Variants in AGBL1 observed in about 807,000 individuals in gnomAD.
AGBL1 encodes the protein cytosolic carboxypeptidase 4.
In AGBL1, 130 loss-of-function variants were observed where a neutral mutation model predicts 118.9. The observed-to-expected ratio is 1.09, with a 90% CI of 0.95 to 1.26. The LOEUF is 1.26. Ranked by LOEUF, AGBL1 falls within the 50% of genes most tolerant of loss-of-function variation. AGBL1 has a pLI of 0.00. For missense variants in AGBL1, 1,584 were observed against 1,298.1 expected (o/e 1.22, Z -3.38); for synonymous variants, 555 against 478.9 (o/e 1.16, Z -2.08).
intron 5 of AGBL1, among the ~76,000 whole-genome samples, chr15:86,182,378 A>G (rs938526068): frequency 2.6e-5 from 4 of 151,696 alleles, no homozygotes; most frequent in African/African-American, 9.7e-5. Context: ...GAATAATTCA[A>G]TTTTCTGCTA....
At chr15:86,151,576 A>T (rs1264701715) in intron 3 of AGBL1, among the ~76,000 whole-genome samples, 1 of 152,218 alleles carries the variant, frequency 6.6e-6, no homozygotes, top group East Asian at 1.9e-4. Context: ...ATCATACTGA[A>T]TGGGAAAAAA....
chr15:86,609,780 T>A (rs961129515), intron 21 of AGBL1, among the ~76,000 whole-genome samples: 1 of 152,316 alleles, frequency 6.6e-6, no homozygotes, highest in Non-Finnish European at 1.5e-5. Flanking sequence ...GACATACTCT[T>A]GTAGGAAAAA....
intron 22 of AGBL1, among the ~76,000 whole-genome samples, chr15:86,809,922 A>G (rs567259160): frequency 3.3e-5 from 5 of 152,102 alleles, no homozygotes; most frequent in Non-Finnish European, 7.4e-5. Context: ...GCTCTGCTGG[A>G]TCATTAGCTT....
At chr15:86,343,733 T>A (rs2080495780) in intron 17 of AGBL1, among the ~76,000 whole-genome samples, 1 of 152,182 alleles carries the variant, frequency 6.6e-6, no homozygotes. Flanking sequence ...GTACCAACTT[T>A]TCCAGTGCCT....
chr15:86,584,324 C>T (rs748363849), intron 21 of AGBL1, among the ~76,000 whole-genome samples: 3 of 152,074 alleles, frequency 2.0e-5, no homozygotes, highest in Non-Finnish European at 4.4e-5. Context: ...TAAGGTGTTA[C>T]ATTTAAATCT....
At chr15:86,117,557 C>T (rs1045236710) in intron 1 of AGBL1, among the ~76,000 whole-genome samples, 4 of 152,150 alleles carry the variant, frequency 2.6e-5, no homozygotes, top group Admixed American at 6.6e-5. Flanking sequence ...ATCTCTATTT[C>T]ACAGATGAGG....
intron 17 of AGBL1, among the ~76,000 whole-genome samples, chr15:86,388,816 T>C (rs2081235028): frequency 2.0e-5 from 3 of 152,192 alleles, no homozygotes. Flanking sequence ...CCTTGCCTAC[T>C]TCACAGATTT....
At chr15:86,143,970 TTGA>T in intron 3 of AGBL1, 125 bp downstream of exon 3, 1 of 1,212,032 alleles carries the variant, frequency 8.3e-7, no homozygotes, top group Non-Finnish European at 1.1e-6. Flanking sequence ...TCTGGACAAC[TTGA>T]TGGTGATGGC....
chr15:86,637,726 T>A (rs190802070), intron 21 of AGBL1, among the ~76,000 whole-genome samples: 1 of 152,052 alleles, frequency 6.6e-6, no homozygotes, highest in African/African-American at 2.4e-5. Flanking sequence ...ATTTTGCAGG[T>A]AGAATCAACA....
At chr15:86,250,527 A>C (rs915106653) in intron 7 of AGBL1, among the ~76,000 whole-genome samples, 1 of 15,726 alleles carries the variant, frequency 6.4e-5, no homozygotes, top group African/African-American at 3.1e-4. Context: ...CTCTGTCTCA[A>C]AAAAAAAAAA....
intron 6 of AGBL1, among the ~76,000 whole-genome samples, chr15:86,228,885 C>T (rs1401564372): frequency 6.6e-6 from 1 of 152,100 alleles, no homozygotes; most frequent in Non-Finnish European, 1.5e-5. Flanking sequence ...ATTTGGGATC[C>T]TACAAATTAA....
At chr15:86,681,115 A>T (rs2085947064) in intron 22 of AGBL1, among the ~76,000 whole-genome samples, 1 of 152,020 alleles carries the variant, frequency 6.6e-6, no homozygotes, top group Non-Finnish European at 1.5e-5. Context: ...AGTGTTTGTT[A>T]TCTGTTTTCT....
chr15:86,592,007 T>C (rs527392351), intron 21 of AGBL1, among the ~76,000 whole-genome samples: 2 of 152,292 alleles, frequency 1.3e-5, no homozygotes, highest in East Asian at 3.9e-4. Context: ...ACCAAATATA[T>C]ATTTTACAAT....
Position 86,264,534 on chromosome 15 carries a change from G to T in AGBL1, c.1363G>T (p.Glu455Ter). The T allele has an allele frequency of 3.1e-6, 5 of 1,614,030 alleles. No homozygotes were observed. The highest frequency in any genetic ancestry group is 4.2e-6 in the Non-Finnish European group (5 of 1,179,904). Reference sequence around the variant, plus strand: ...TCTCAGGAGAGATTCTTCTGAAAGTGAAATCCCTGACATTCAGGCTTCCCC... The same window carrying T: ...TCTCAGGAGAGATTCTTCTGAAAGTTAAATCCCTGACATTCAGGCTTCCCC... ...NSLRRDSSESEIPDIQASPKA... is the reference protein window; with the variant it reads ...NSLRRDSSES The change falls in exon 11 of 23, where the codon GAA becomes TAA. Residue 455 changes from glutamate (E) to a stop codon, truncating the protein, a stop_gained. Transcript: ENST00000614907. LOFTEE classifies it high-confidence loss of function.
intron 17 of AGBL1, among the ~76,000 whole-genome samples, chr15:86,391,833 T>C (rs1439249280): frequency 6.6e-6 from 1 of 152,042 alleles, no homozygotes; most frequent in Non-Finnish European, 1.5e-5. Flanking sequence ...TTGGGTATTA[T>C]GTACTTTATG....
chr15:86,282,387 G>A (rs1457721121), intron 16 of AGBL1, among the ~76,000 whole-genome samples: 2 of 151,982 alleles, frequency 1.3e-5, no homozygotes, highest in African/African-American at 4.8e-5. Flanking sequence ...AACTACTTAC[G>A]ACTTTTTATT....
intron 18 of AGBL1, among the ~76,000 whole-genome samples, chr15:86,422,545 G>A (rs905114675): frequency 2.6e-5 from 4 of 152,042 alleles, no homozygotes; most frequent in African/African-American, 7.2e-5. Context: ...AACTAGAGAA[G>A]CAAGAGCAAA....
intron 5 of AGBL1, among the ~76,000 whole-genome samples, chr15:86,164,051 C>A (rs923822998): frequency 1.3e-5 from 2 of 152,334 alleles, no homozygotes; most frequent in African/African-American, 2.4e-5. Context: ...TGAAAGGGAG[C>A]AAAGTTTCTC....
At chr15:86,299,934 TG>T (rs1234679340) in intron 17 of AGBL1, 1 of 152,140 alleles carries the variant, frequency 6.6e-6, no homozygotes, top group Non-Finnish European at 1.5e-5. Flanking sequence ...TATCTAATCC[TG>T]GAAAGAAGAA....
Sources: allele counts gnomAD v4.1 joint callset (sites outside exome capture counted in the v4.1 genomes callset), GRCh38; gene constraint gnomAD v4.1.1; transcripts MANE v1.5; gene names NCBI Gene and HGNC (gene_info 2026-07-23, HGNC 2026-07-21).